Variants in UBAC2 observed in about 807,000 individuals in gnomAD.
UBAC2 encodes UBA domain containing 2, also known as ubiquitin-associated domain-containing protein 2.
UBAC2 carries 26 observed loss-of-function variants against 44.0 expected under a neutral mutation model. The ratio of observed to expected loss-of-function variants is 0.59; its 90% confidence interval spans 0.43 to 0.82. UBAC2 has a LOEUF of 0.82. UBAC2 is among the 40% of genes least tolerant of loss of function. The probability of loss-of-function intolerance (pLI) is 0.00; values close to 1 mark genes in which losing one functional copy is unlikely to be tolerated. For synonymous variants in UBAC2, 155 were observed against 154.3 expected (o/e 1.00, Z -0.04); for missense variants, 329 against 419.4 (o/e 0.78, Z 1.88).
intron 4 of UBAC2, among the ~76,000 whole-genome samples, chr13:99,266,928 G>A (rs1270435076): frequency 1.3e-5 from 2 of 151,920 alleles, no homozygotes; most frequent in African/African-American, 4.8e-5. Context: ...TTAGTTTGTT[G>A]GGGAATGGCT....
At chr13:99,237,437 A>T (rs961494215) in intron 1 of UBAC2, among the ~76,000 whole-genome samples, 6 of 152,180 alleles carry the variant, frequency 3.9e-5, no homozygotes, top group African/African-American at 1.4e-4. Flanking sequence ...AAAATAGTGG[A>T]TCTCATGAAG....
chr13:99,383,065 C>G (rs2138934231), intron 8 of UBAC2, among the ~76,000 whole-genome samples: 1 of 152,336 alleles, frequency 6.6e-6, no homozygotes, highest in African/African-American at 2.4e-5. Flanking sequence ...GGGCAGAACA[C>G]CAGGGTGGCA....
At chr13:99,314,833 G>A (rs549695695) in intron 5 of UBAC2, 1 of 152,404 alleles carries the variant, frequency 6.6e-6, no homozygotes, top group African/African-American at 2.4e-5. Flanking sequence ...TCCCTGCTGG[G>A]CTCCAGGTCT....
intron 4 of UBAC2, among the ~76,000 whole-genome samples, chr13:99,306,760 A>G (rs531972720): frequency 2.0e-5 from 3 of 152,280 alleles, no homozygotes; most frequent in East Asian, 3.9e-4. Flanking sequence ...CACTTATCTA[A>G]TTAGTAGTAT....
At chr13:99,217,335 G>T (rs1008830037) in intron 1 of UBAC2, among the ~76,000 whole-genome samples, 1 of 152,154 alleles carries the variant, frequency 6.6e-6, no homozygotes, top group African/African-American at 2.4e-5. Flanking sequence ...CTCCCAGGGA[G>T]AGGTCCCGTG....
chr13:99,305,413 G>A (rs533920561), intron 4 of UBAC2, among the ~76,000 whole-genome samples: 5 of 152,268 alleles, frequency 3.3e-5, no homozygotes, highest in African/African-American at 1.2e-4. Context: ...AACTCCAGCA[G>A]GTCTTAACCA....
At chr13:99,316,422 A>G (rs1034916056) in intron 5 of UBAC2, among the ~76,000 whole-genome samples, 7 of 149,448 alleles carry the variant, frequency 4.7e-5, no homozygotes, top group Middle Eastern at 3.5e-3. Flanking sequence ...TGAATGGATG[A>G]ATGAATGAAT....
intron 2 of UBAC2, among the ~76,000 whole-genome samples, chr13:99,243,231 CTCTTTTTTTT>C (rs1317086257): frequency 7.8e-6 from 1 of 128,366 alleles, no homozygotes; most frequent in Non-Finnish European, 1.6e-5. Flanking sequence ...CTTTGAGTAG[CTCTTTTTTTT>C]TTTTTTTTTT....
intron 1 of UBAC2, among the ~76,000 whole-genome samples, chr13:99,202,194 C>T (rs1323807177): frequency 6.6e-6 from 1 of 152,048 alleles, no homozygotes; most frequent in Non-Finnish European, 1.5e-5. Flanking sequence ...TTTAAATCTT[C>T]CTCACTTCTC....
chr13:99,302,795 A>C (rs1190125757), intron 4 of UBAC2, among the ~76,000 whole-genome samples: 1 of 152,204 alleles, frequency 6.6e-6, no homozygotes, highest in Non-Finnish European at 1.5e-5. Context: ...CATTCTATTA[A>C]TAATACGCTG....
At chr13:99,263,215 A>G (rs1379919252) in intron 4 of UBAC2, among the ~76,000 whole-genome samples, 1 of 152,238 alleles carries the variant, frequency 6.6e-6, no homozygotes, top group Non-Finnish European at 1.5e-5. Flanking sequence ...TCCTGAGGGA[A>G]TAGACCATCT....
chr13:99,271,428 T>TG (rs918959320), intron 4 of UBAC2, among the ~76,000 whole-genome samples: 3 of 151,808 alleles, frequency 2.0e-5, no homozygotes, highest in Non-Finnish European at 4.4e-5. Context: ...AGCAGAGTGA[T>TG]GGGGGGATGG....
At chr13:99,242,254 A>G (rs996208694) in intron 2 of UBAC2, among the ~76,000 whole-genome samples, 1 of 152,022 alleles carries the variant, frequency 6.6e-6, no homozygotes, top group East Asian at 1.9e-4. Context: ...GCTGCTGGGC[A>G]CACCTCCCAG....
At chr13:99,294,318 C>G (rs192058311) in intron 4 of UBAC2, among the ~76,000 whole-genome samples, 3 of 152,180 alleles carry the variant, frequency 2.0e-5, no homozygotes, top group African/African-American at 7.2e-5. Context: ...CAAGCAGACC[C>G]TCCTCCCAAT....
chr13:99,265,855 G>T (rs2043737059), intron 4 of UBAC2, among the ~76,000 whole-genome samples: 1 of 152,196 alleles, frequency 6.6e-6, no homozygotes, highest in African/African-American at 2.4e-5. Flanking sequence ...ATTGGGATTG[G>T]CTGTGTAGAG....
At chr13:99,305,987 C>G (rs550402698) in intron 4 of UBAC2, among the ~76,000 whole-genome samples, 1 of 152,080 alleles carries the variant, frequency 6.6e-6, no homozygotes, top group Non-Finnish European at 1.5e-5. Flanking sequence ...CCTCCGCCTC[C>G]CAGGTTCAAG....
At chr13:99,254,881 A>G in intron 4 of UBAC2, 1 of 1,607,612 alleles carries the variant, frequency 6.2e-7, no homozygotes, top group Non-Finnish European at 8.5e-7. Context: ...TATTATTCAT[A>G]ACATTTCACT....
At chr13:99,326,208 T>C (rs1265911796) in intron 6 of UBAC2, among the ~76,000 whole-genome samples, 1 of 152,190 alleles carries the variant, frequency 6.6e-6, no homozygotes, top group Non-Finnish European at 1.5e-5. Context: ...CTTTTGGTGT[T>C]TTTTGTTTTT....
chr13:99,304,413 A>G (rs968046774), intron 4 of UBAC2, among the ~76,000 whole-genome samples: 5 of 152,154 alleles, frequency 3.3e-5, no homozygotes, highest in African/African-American at 1.2e-4. Context: ...TAGTGTCTGC[A>G]TCATTGATTT....
Sources: gnomAD v4.1 joint callset for allele counts (sites outside exome capture counted in the v4.1 genomes callset) on GRCh38, gnomAD v4.1.1 for gene constraint, MANE v1.5 for transcripts, NCBI Gene and HGNC (gene_info 2026-07-23, HGNC 2026-07-21) for gene names.